PDE4D: variants seen among roughly 807,000 people sequenced by gnomAD.
PDE4D encodes the protein phosphodiesterase 4D.
A neutral mutation model predicts 87.4 loss-of-function variants in PDE4D; 24 were observed. The ratio of observed to expected loss-of-function variants is 0.27; its 90% CI spans 0.20 to 0.39. PDE4D has a LOEUF of 0.39. Ranked by LOEUF, PDE4D falls within the 10% of genes least tolerant of loss-of-function variation. The pLI is 1.00. For synonymous variants in PDE4D, 384 were observed against 383.2 expected (o/e 1.00, Z -0.02); for missense variants, 714 against 1,041.0 (o/e 0.69, Z 4.32).
At chr5:60,004,702 C>A (rs1024935734) in intron 2 of PDE4D, among the ~76,000 whole-genome samples, 1 of 151,998 alleles carries the variant, frequency 6.6e-6, no homozygotes, top group Non-Finnish European at 1.5e-5. Context: ...TACAAATGGC[C>A]AAAAGGTATA....
chr5:59,216,248 A>G (rs1462392134), intron 1 of PDE4D, among the ~76,000 whole-genome samples: 3 of 152,230 alleles, frequency 2.0e-5, no homozygotes, highest in Non-Finnish European at 4.4e-5. Flanking sequence ...TCTGCAAAAC[A>G]TAATCTTCTA....
At chr5:60,352,051 C>T (rs184910544) in intron 1 of PDE4D, among the ~76,000 whole-genome samples, 7 of 151,956 alleles carry the variant, frequency 4.6e-5, no homozygotes, top group East Asian at 1.9e-4. Context: ...GTCAACCCTC[C>T]GCTTTGGCCT....
chr5:59,691,512 T>C (rs1457853802), intron 1 of PDE4D, among the ~76,000 whole-genome samples: 1 of 142,516 alleles, frequency 7.0e-6, no homozygotes, highest in Non-Finnish European at 1.5e-5. Context: ...TAGGTGGGAA[T>C]TGAACAATGA....
At chr5:59,371,942 T>G (rs893115018) in intron 1 of PDE4D, among the ~76,000 whole-genome samples, 1 of 152,208 alleles carries the variant, frequency 6.6e-6, no homozygotes, top group Admixed American at 6.5e-5. Context: ...CTGAACCTCC[T>G]GGGGCTGTAT....
chr5:59,929,069 T>C lies in PDE4D; in HGVS notation c.272+59419A>G, dbSNP rs187015179. On this transcript the variant is annotated intron_variant, in intron 3 of 16. Transcript: ENST00000502484. ...ATTAGATGTACTTAAAGATTTTCAA[T>C]ATATGTGTGTGTGTGTTATGTGTGT... is the stretch of plus-strand genomic sequence containing the variant. Among the ~76,000 whole-genome samples, 562 of 152,132 alleles carry C rather than the reference T, an allele frequency of 3.7e-3. 4 individuals are homozygous for C. The highest frequency in any genetic ancestry group is 0.013 in the African/African-American group (540 of 41,534).
At chr5:59,930,754 T>A (rs1755819877) in intron 3 of PDE4D, among the ~76,000 whole-genome samples, 1 of 152,224 alleles carries the variant, frequency 6.6e-6, no homozygotes, top group African/African-American at 2.4e-5. Context: ...ATTCCCACTG[T>A]CTTTTTAAAG....
intron 1 of PDE4D, among the ~76,000 whole-genome samples, chr5:59,332,570 A>G (rs1406218749): frequency 6.6e-6 from 1 of 152,212 alleles, no homozygotes; most frequent in Non-Finnish European, 1.5e-5. Context: ...ACAAATTGAC[A>G]TTAGGCTTTA....
chr5:59,950,774 ATTACTGTTTTTAAT>A (rs1320755662), intron 3 of PDE4D, among the ~76,000 whole-genome samples: 7 of 152,182 alleles, frequency 4.6e-5, no homozygotes, highest in African/African-American at 1.4e-4. Context: ...AATTGGTTTT[ATTACTGTTTTTAAT>A]TTCTTCTTTT....
chr5:59,363,460 A>G (rs1782544608), intron 1 of PDE4D, among the ~76,000 whole-genome samples: 1 of 152,232 alleles, frequency 6.6e-6, no homozygotes, highest in Non-Finnish European at 1.5e-5. Context: ...ATCTTAACCA[A>G]TACATGCCTG....
rs546499291 is a variant in PDE4D at position 59,218,937 on chromosome 5, C to T, written c.456-2969G>A. Among the ~76,000 whole-genome samples, 9 of 149,626 alleles carry T rather than the reference C, an allele frequency of 6.0e-5. No homozygotes were observed. In the East Asian group the frequency reaches 9.9e-4, roughly 16 times the overall value. On this transcript the variant is annotated intron_variant, in intron 1 of 14. Coordinates refer to ENST00000340635, the MANE Select transcript of PDE4D (RefSeq NM_001104631.2). ...GAAATCATCATTCTCAGTAAACTAT[C>T]GCAAGAACAAAAAACCAAACACCGC...
In PDE4D at chr5:58,973,513, A is replaced by ACAT. The variant is rs1742987749; in HGVS notation, c.*1148_*1150dup. 1 of 151,802 alleles carries ACAT rather than the reference A, an allele frequency of 6.6e-6. No homozygotes were observed. Among genetic ancestry groups the ACAT allele is most frequent in the African/African-American group, 2.4e-5 (1 of 41,402 alleles). The allele number at this position is 151,802 out of a possible 1,614,324, so 9.4% of individuals were successfully genotyped here. The stretch of plus-strand genomic sequence containing the variant: ...AGAAAGACATGCACTTGTGAAATGA[A>ACAT]CATCTAGTGACACAGCAAAACGTTA... On this transcript the variant is annotated 3_prime_UTR_variant, in exon 15 of 15. Transcript: ENST00000340635.
intron 1 of PDE4D, among the ~76,000 whole-genome samples, chr5:59,867,972 AT>A (rs1205738904): frequency 6.6e-6 from 1 of 152,174 alleles, no homozygotes; most frequent in Non-Finnish European, 1.5e-5. Context: ...GTATCTTTTG[AT>A]ACTGAAGATC....
At chr5:60,295,718 A>C (rs1241208227) in intron 1 of PDE4D, among the ~76,000 whole-genome samples, 2 of 152,174 alleles carry the variant, frequency 1.3e-5, no homozygotes, top group Non-Finnish European at 2.9e-5. Flanking sequence ...GTCAGGCACA[A>C]ACACAGGAGA....
At chr5:60,374,530 C>CATGA (rs1056811586) in intron 1 of PDE4D, among the ~76,000 whole-genome samples, 65 of 152,292 alleles carry the variant, frequency 4.3e-4, no homozygotes, top group African/African-American at 1.5e-3. Context: ...TGAAGTCGCC[C>CATGA]ATGAATATTC....
At chr5:59,709,010 T>C (rs976479464) in intron 1 of PDE4D, among the ~76,000 whole-genome samples, 1 of 151,990 alleles carries the variant, frequency 6.6e-6, no homozygotes, top group Non-Finnish European at 1.5e-5. Flanking sequence ...GTGAATTTGA[T>C]AGCAGAATCA....
chr5:60,016,890 C>A (rs1156626951), intron 2 of PDE4D, among the ~76,000 whole-genome samples: 1 of 152,156 alleles, frequency 6.6e-6, no homozygotes, highest in Non-Finnish European at 1.5e-5. Flanking sequence ...TTAATTGTAT[C>A]TAGAGTAGTA....
At chr5:59,015,659 C>G (rs937643729) in intron 6 of PDE4D, among the ~76,000 whole-genome samples, 1 of 152,162 alleles carries the variant, frequency 6.6e-6, no homozygotes, top group Non-Finnish European at 1.5e-5. Flanking sequence ...AATAGGAACA[C>G]TTTTACACTG....
chr5:59,705,920 T>A (rs1383266677), intron 1 of PDE4D, among the ~76,000 whole-genome samples: 1 of 152,156 alleles, frequency 6.6e-6, no homozygotes, highest in Non-Finnish European at 1.5e-5. Flanking sequence ...GGTCTGTATT[T>A]GAATCCTAGC....
intron 1 of PDE4D, among the ~76,000 whole-genome samples, chr5:59,761,905 G>A (rs1013472715): frequency 6.6e-6 from 1 of 152,092 alleles, no homozygotes. Flanking sequence ...GGGACTGACA[G>A]CATGGTAGGT....
Sources: gnomAD v4.1 joint callset for allele counts (sites outside exome capture counted in the v4.1 genomes callset) on GRCh38, gnomAD v4.1.1 for gene constraint, MANE v1.5 for transcripts, NCBI Gene and HGNC (gene_info 2026-07-23, HGNC 2026-07-21) for gene names.